CTNNA3: variants seen among roughly 807,000 people sequenced by gnomAD.
The protein encoded by CTNNA3 is catenin alpha-3.
Under a neutral mutation model 95.7 loss-of-function variants are expected in CTNNA3, and 76 were observed. The ratio of observed to expected loss-of-function variants is 0.79; its 90% CI spans 0.66 to 0.96. The LOEUF (loss-of-function observed/expected upper bound fraction) is 0.96. Among genes scored for constraint, CTNNA3 ranks in the 40% least tolerant of loss-of-function variants. The probability of loss-of-function intolerance (pLI) is 0.00; values close to 1 mark genes in which losing one functional copy is unlikely to be tolerated. For missense variants in CTNNA3, 1,191 were observed against 1,089.8 expected (o/e 1.09, Z -1.31); for synonymous variants, 431 against 374.4 (o/e 1.15, Z -1.74).
chr10:66,974,643 T>C (rs939153262), intron 7 of CTNNA3, among the ~76,000 whole-genome samples: 4 of 152,236 alleles, frequency 2.6e-5, no homozygotes, highest in Non-Finnish European at 4.4e-5. Flanking sequence ...AAGAGTTTCA[T>C]TGGTTCATAT....
At chr10:66,403,661 C>T (rs1253002336) in intron 11 of CTNNA3, among the ~76,000 whole-genome samples, 1 of 152,088 alleles carries the variant, frequency 6.6e-6, no homozygotes, top group African/African-American at 2.4e-5. Flanking sequence ...CCTCGTTTTA[C>T]TGCACAGGGT....
At chr10:66,145,412 GT>G (rs2083833626) in intron 13 of CTNNA3, among the ~76,000 whole-genome samples, 1 of 152,164 alleles carries the variant, frequency 6.6e-6, no homozygotes, top group African/African-American at 2.4e-5. Context: ...CCCCAGAGAG[GT>G]TTGCTTTGCC....
intron 13 of CTNNA3, among the ~76,000 whole-genome samples, chr10:66,170,331 C>A (rs948363922): frequency 7.0e-6 from 1 of 142,482 alleles, no homozygotes; most frequent in Non-Finnish European, 1.5e-5. Flanking sequence ...TTCAAGAAGG[C>A]AATTTCTCTA....
chr10:67,419,214 C>T (rs1200209338), intron 5 of CTNNA3, among the ~76,000 whole-genome samples: 1 of 151,762 alleles, frequency 6.6e-6, no homozygotes, highest in Admixed American at 6.6e-5. Context: ...ACTTAAAAAA[C>T]AAAAAATGGA....
chr10:67,618,410 C>G (rs1843725816), intron 2 of CTNNA3, among the ~76,000 whole-genome samples: 1 of 152,168 alleles, frequency 6.6e-6, no homozygotes, highest in South Asian at 2.1e-4. Flanking sequence ...ATTTACAACC[C>G]TATCAACCAT....
At chr10:67,147,257 T>C (rs1860891398) in intron 7 of CTNNA3, among the ~76,000 whole-genome samples, 1 of 152,150 alleles carries the variant, frequency 6.6e-6, no homozygotes, top group Admixed American at 6.5e-5. Context: ...TAGCCTGAAG[T>C]TTTAAGTTCT....
At chr10:66,398,090 T>C (rs2132550044) in intron 11 of CTNNA3, among the ~76,000 whole-genome samples, 1 of 152,008 alleles carries the variant, frequency 6.6e-6, no homozygotes, top group African/African-American at 2.4e-5. Context: ...ACATAACCAA[T>C]TTACAAATAT....
chr10:66,679,963 G>T (rs1237235849), intron 9 of CTNNA3, among the ~76,000 whole-genome samples: 1 of 152,020 alleles, frequency 6.6e-6, no homozygotes, highest in Non-Finnish European at 1.5e-5. Context: ...TCTCCTGAAG[G>T]TCCTCATAAG....
chr10:67,359,239 T>TA (rs958948530), intron 5 of CTNNA3, among the ~76,000 whole-genome samples: 3,763 of 132,968 alleles, frequency 0.028, 146 homozygotes, highest in African/African-American at 0.085. Flanking sequence ...GACATAACTT[T>TA]AAAAAAAAAA....
intron 5 of CTNNA3, among the ~76,000 whole-genome samples, chr10:67,345,520 T>A (rs536993355): frequency 6.6e-6 from 1 of 152,268 alleles, no homozygotes; most frequent in East Asian, 1.9e-4. Context: ...GTTGGGTGCA[T>A]ATATATTTAA....
At chr10:66,986,787 C>G (rs1445057491) in intron 7 of CTNNA3, among the ~76,000 whole-genome samples, 1 of 152,064 alleles carries the variant, frequency 6.6e-6, no homozygotes, top group Non-Finnish European at 1.5e-5. Flanking sequence ...AGTTAAATAA[C>G]ACATATGATA....
chr10:67,008,631 A>G (rs1419354723), intron 7 of CTNNA3, among the ~76,000 whole-genome samples: 2 of 152,128 alleles, frequency 1.3e-5, no homozygotes, highest in East Asian at 3.9e-4. Context: ...ATGGTCTAGG[A>G]TAGCCCCATT....
chr10:66,084,508 C>T lies in CTNNA3; in HGVS notation c.1978-15019G>A, dbSNP rs147965184. Among the ~76,000 whole-genome samples the T allele has an allele frequency of 1.1e-3, 164 of 152,208 alleles. 1 individual carries two copies. The highest frequency in any genetic ancestry group is 6.8e-3 in the Middle Eastern group (2 of 294). Reference sequence around the variant, plus strand: ...AGATGATTTCTAAAATTCTAGATTACTTACAAAAATGTAGGCAGTACCTAA... The same window carrying T: ...AGATGATTTCTAAAATTCTAGATTATTTACAAAAATGTAGGCAGTACCTAA... On this transcript the variant is annotated intron_variant, in intron 14 of 17. Coordinates refer to ENST00000433211, the MANE Select transcript of CTNNA3 (RefSeq NM_013266.4).
At chr10:66,641,312 G>T (rs962151134) in intron 9 of CTNNA3, among the ~76,000 whole-genome samples, 15 of 152,084 alleles carry the variant, frequency 9.9e-5, no homozygotes, top group Non-Finnish European at 2.1e-4. Context: ...TGTAGAAAAA[G>T]AAATTTCCAT....
chr10:67,202,995 A>G (rs1458060962), intron 6 of CTNNA3, among the ~76,000 whole-genome samples: 1 of 152,198 alleles, frequency 6.6e-6, no homozygotes, highest in African/African-American at 2.4e-5. Flanking sequence ...ACTTGTGTTA[A>G]AATGATTTAC....
intron 5 of CTNNA3, among the ~76,000 whole-genome samples, chr10:67,485,132 C>T (rs1018959453): frequency 6.6e-6 from 1 of 152,174 alleles, no homozygotes; most frequent in African/African-American, 2.4e-5. Flanking sequence ...GAATACTATG[C>T]AGCCATAAAA....
chr10:66,128,246 A>G (rs900239068), intron 13 of CTNNA3, among the ~76,000 whole-genome samples: 10 of 152,206 alleles, frequency 6.6e-5, no homozygotes, highest in Admixed American at 3.9e-4. Context: ...AATGCAATAG[A>G]AATAACAACT....
intron 7 of CTNNA3, among the ~76,000 whole-genome samples, chr10:66,776,885 T>C (rs564719272): frequency 6.0e-4 from 92 of 152,322 alleles, no homozygotes; most frequent in African/African-American, 1.9e-3. Context: ...TCTCAATTTT[T>C]TTTCTATTCC....
intron 2 of CTNNA3, among the ~76,000 whole-genome samples, chr10:67,632,380 A>G (rs1225897409): frequency 1.3e-5 from 2 of 151,838 alleles, no homozygotes; most frequent in African/African-American, 2.4e-5. Context: ...TGGAGCCCCA[A>G]CCTCGCTGCC....
Sources: gnomAD v4.1 joint callset for allele counts (sites outside exome capture counted in the v4.1 genomes callset) on GRCh38, gnomAD v4.1.1 for gene constraint, MANE v1.5 for transcripts, NCBI Gene and HGNC (gene_info 2026-07-23, HGNC 2026-07-21) for gene names.